LIMD1: variants seen among roughly 807,000 people sequenced by gnomAD.
The protein encoded by LIMD1 is LIM domain-containing protein 1.
Under a neutral mutation model 58.4 loss-of-function variants are expected in LIMD1, and 23 were observed. That is an observed-to-expected ratio of 0.39 (90% CI 0.28 to 0.56). The LOEUF (loss-of-function observed/expected upper bound fraction) is 0.56, where lower values mean the gene tolerates loss of function less well. Ranked by LOEUF, LIMD1 falls within the 20% of genes least tolerant of loss-of-function variation. LIMD1 has a pLI of 0.57. For synonymous variants in LIMD1, 334 were observed against 345.5 expected (o/e 0.97, Z 0.37); for missense variants, 838 against 855.5 (o/e 0.98, Z 0.25).
intron 2 of LIMD1, among the ~76,000 whole-genome samples, chr3:45,638,362 C>A (rs1230292193): frequency 6.6e-6 from 1 of 152,144 alleles, no homozygotes; most frequent in Non-Finnish European, 1.5e-5. Context: ...TTGTGTGAAT[C>A]TGAAGTTTGA....
intron 7 of LIMD1, among the ~76,000 whole-genome samples, chr3:45,676,446 C>T (rs1331775954): frequency 1.3e-5 from 2 of 152,008 alleles, no homozygotes; most frequent in Non-Finnish European, 2.9e-5. Context: ...CTCTAAGTTC[C>T]CTCCCCTCAC....
At chr3:45,635,330 G>T (rs1480376232) in intron 1 of LIMD1, among the ~76,000 whole-genome samples, 1 of 152,110 alleles carries the variant, frequency 6.6e-6, no homozygotes, top group Non-Finnish European at 1.5e-5. Context: ...TCTGAGGAAG[G>T]AATCGTGGGG....
At chr3:45,673,750 C>T (rs1575368681) in intron 6 of LIMD1, 1 of 534,412 alleles carries the variant, frequency 1.9e-6, no homozygotes, top group Non-Finnish European at 3.4e-6. Context: ...CTCATCTCTA[C>T]AAAAAATTGT....
chr3:45,660,501 C>T (rs1475347826), intron 2 of LIMD1, among the ~76,000 whole-genome samples: 1 of 151,112 alleles, frequency 6.6e-6, no homozygotes, highest in Admixed American at 6.6e-5. Context: ...CTGCAGCCTC[C>T]GCCTCCCAGG....
At chr3:45,608,696 T>C (rs1356824192) in intron 1 of LIMD1, among the ~76,000 whole-genome samples, 3 of 151,790 alleles carry the variant, frequency 2.0e-5, no homozygotes, top group African/African-American at 2.4e-5. Context: ...AAAAATTAGC[T>C]GGGTGTGGTG....
chr3:45,639,747 C>G (rs1302729194), intron 2 of LIMD1, among the ~76,000 whole-genome samples: 2 of 152,184 alleles, frequency 1.3e-5, no homozygotes, highest in Admixed American at 1.3e-4. Flanking sequence ...ACCGCAACCT[C>G]CGCCTCCTGG....
intron 1 of LIMD1, among the ~76,000 whole-genome samples, chr3:45,603,132 C>A (rs1028547785): frequency 6.6e-6 from 1 of 152,182 alleles, no homozygotes; most frequent in South Asian, 2.1e-4. Context: ...TGAGCCACTG[C>A]ACCTGGCCCT....
At chr3:45,641,949 G>A (rs192488496) in intron 2 of LIMD1, among the ~76,000 whole-genome samples, 3 of 152,340 alleles carry the variant, frequency 2.0e-5, no homozygotes, top group Admixed American at 6.5e-5. Flanking sequence ...ACACTGTCTG[G>A]TGACAGGCTC....
intron 1 of LIMD1, among the ~76,000 whole-genome samples, chr3:45,610,551 C>G (rs563011005): frequency 2.0e-5 from 3 of 152,304 alleles, no homozygotes; most frequent in Admixed American, 6.5e-5. Flanking sequence ...GACATGCTGG[C>G]AGGCATGCAT....
intron 1 of LIMD1, among the ~76,000 whole-genome samples, chr3:45,629,023 G>C (rs1465553974): frequency 6.6e-6 from 1 of 152,180 alleles, no homozygotes; most frequent in African/African-American, 2.4e-5. Context: ...AGAGGAAGCG[G>C]GGAGGGATTG....
At chr3:45,616,820 T>C (rs1175529025) in intron 1 of LIMD1, among the ~76,000 whole-genome samples, 1 of 150,988 alleles carries the variant, frequency 6.6e-6, no homozygotes, top group Non-Finnish European at 1.5e-5. Context: ...GGTGGCGCAA[T>C]CTTGGCTCAC....
intron 1 of LIMD1, among the ~76,000 whole-genome samples, chr3:45,622,582 C>T (rs1388305274): frequency 6.6e-6 from 1 of 152,114 alleles, no homozygotes; most frequent in East Asian, 1.9e-4. Context: ...GTACTATACT[C>T]ACCCGTGTTT....
chr3:45,614,638 A>G (rs554038685), intron 1 of LIMD1, among the ~76,000 whole-genome samples: 11 of 151,802 alleles, frequency 7.2e-5, no homozygotes, highest in Non-Finnish European at 1.5e-4. Flanking sequence ...TGGGAGGATC[A>G]TATGAGCCCA....
At chr3:45,645,100 C>T (rs996804201) in intron 2 of LIMD1, among the ~76,000 whole-genome samples, 5 of 152,210 alleles carry the variant, frequency 3.3e-5, no homozygotes, top group Admixed American at 1.3e-4. Context: ...TAAAGGAAAT[C>T]AGTGGGCACA....
At chr3:45,655,654 G>T (rs939519486) in intron 2 of LIMD1, among the ~76,000 whole-genome samples, 1 of 152,196 alleles carries the variant, frequency 6.6e-6, no homozygotes, top group African/African-American at 2.4e-5. Flanking sequence ...TAAGTCAGCA[G>T]TCTGTGTTTC....
chr3:45,607,962 C>A (rs559675873), intron 1 of LIMD1, among the ~76,000 whole-genome samples: 1 of 152,198 alleles, frequency 6.6e-6, no homozygotes, highest in Non-Finnish European at 1.5e-5. Flanking sequence ...GCCAAAATGT[C>A]GCCTGTTCCC....
rs959560200 is a variant in LIMD1 at position 45,673,606 on chromosome 3, G to C, written c.1824+101G>C. Reference sequence around the variant, plus strand: ...ATGTCCTGTCCTTACAGCTTTTAAGGTATCCTTTTAAAAATCTCAACTCTG... The same window carrying C: ...ATGTCCTGTCCTTACAGCTTTTAAGCTATCCTTTTAAAAATCTCAACTCTG... On this transcript the variant is annotated intron_variant, in intron 6 of 7. Coordinates refer to ENST00000273317, the MANE Select transcript of LIMD1 (RefSeq NM_014240.3). The C allele has an allele frequency of 2.5e-5, 26 of 1,038,140 alleles. No individual in the cohort carries two copies. In the African/African-American group the frequency reaches 4.1e-4, roughly 16 times the overall value. 64.3% of individuals were successfully genotyped at this position (1,038,140 alleles called of 1,614,324 possible). A position where few individuals can be genotyped will look rare whatever the true frequency, so the allele number is the denominator to read the frequency against.
intron 2 of LIMD1, among the ~76,000 whole-genome samples, chr3:45,662,424 T>G (rs1697454153): frequency 6.6e-6 from 1 of 152,200 alleles, no homozygotes; most frequent in African/African-American, 2.4e-5. Context: ...AAATTAAATA[T>G]ATAAAAATTG....
Position 45,642,804 on chromosome 3 carries a change from AG to A in LIMD1, c.1510+6554del, listed in dbSNP as rs551248101. Reference sequence around the variant, plus strand: ...TTGTTTCCTTGGTGCTCGTTCCAGCAGTAAGCATCAGGTTGTGGTGTGGGCG... The same window carrying A: ...TTGTTTCCTTGGTGCTCGTTCCAGCATAAGCATCAGGTTGTGGTGTGGGCG... On this transcript the variant is annotated intron_variant, in intron 2 of 7. Transcript: ENST00000273317. Among the ~76,000 whole-genome samples, 9 of 152,354 alleles carry A rather than the reference AG, an allele frequency of 5.9e-5. No homozygotes were observed. In the South Asian group the frequency reaches 1.9e-3, roughly 32 times the overall value.
Sources: allele counts gnomAD v4.1 joint callset (sites outside exome capture counted in the v4.1 genomes callset), GRCh38; gene constraint gnomAD v4.1.1; transcripts MANE v1.5; gene names NCBI Gene and HGNC (gene_info 2026-07-23, HGNC 2026-07-21).